Variants in TRIM24 observed in about 807,000 individuals in gnomAD.
TRIM24 encodes transcription intermediary factor 1-alpha.
Under a neutral mutation model 123.9 loss-of-function variants are expected in TRIM24, and 29 were observed. The ratio of observed to expected loss-of-function variants is 0.23; its 90% CI spans 0.17 to 0.32. The LOEUF (loss-of-function observed/expected upper bound fraction) is 0.32, where lower values mean the gene tolerates loss of function less well. Ranked by LOEUF, TRIM24 falls within the 10% of genes least tolerant of loss-of-function variation. The probability of loss-of-function intolerance (pLI) is 1.00; values close to 1 mark genes in which losing one functional copy is unlikely to be tolerated. For missense variants in TRIM24, 932 were observed against 1,295.3 expected, an observed-to-expected ratio of 0.72 and a Z score of 4.31; for synonymous variants, 456 against 461.1, an observed-to-expected ratio of 0.99 and a Z score of 0.14.
chr7:138,536,977 A>C (rs1005013754), intron 6 of TRIM24, among the ~76,000 whole-genome samples: 1 of 152,198 alleles, frequency 6.6e-6, no homozygotes, highest in Non-Finnish European at 1.5e-5. Context: ...CTGTGCTAGC[A>C]ATGAGCGAGG....
At chr7:138,564,852 C>T (rs758067047) in intron 9 of TRIM24, among the ~76,000 whole-genome samples, 1 of 152,208 alleles carries the variant, frequency 6.6e-6, no homozygotes, top group Non-Finnish European at 1.5e-5. Flanking sequence ...CTTTAACATA[C>T]ATTGTAATGG....
rs572238416 is a variant in TRIM24 at position 138,529,101 on chromosome 7, C to T, written c.882-15C>T. 2.7e-5 allele frequency: 39 copies of T among 1,463,630 alleles called. 1 individual carries two copies. Among genetic ancestry groups the T allele is most frequent in the African/African-American group, 1.3e-4 (9 of 68,518 alleles). 90.7% of individuals were successfully genotyped at this position (1,463,630 alleles called of 1,614,324 possible). On this transcript the variant is annotated splice_polypyrimidine_tract_variant and intron_variant, in intron 5 of 18. Transcript: ENST00000343526. ...AAAAAAACTGCCTTATGTTTTTCCC[C>T]GTTTTAATTTTCAGAATTATTGAAG...
At chr7:138,565,211 A>G (rs772261362) in intron 9 of TRIM24, among the ~76,000 whole-genome samples, 1 of 151,726 alleles carries the variant, frequency 6.6e-6, no homozygotes, top group Admixed American at 6.6e-5. Flanking sequence ...CTCTTTCTCA[A>G]CTGACTCTGC....
intron 2 of TRIM24, among the ~76,000 whole-genome samples, chr7:138,508,662 AGTGTGTGTGTGTGTGTGT>A: frequency 8.9e-6 from 1 of 112,826 alleles, no homozygotes; most frequent in African/African-American, 3.0e-5. Context: ...TAATAAGAGG[AGTGTGTGTGTGTGTGTGT>A]GTGTGTGTGT....
chr7:138,491,364 C>T lies in TRIM24; in HGVS notation c.365-12926C>T, dbSNP rs117153682. 1.8e-4 allele frequency: 30 copies of T among 166,422 alleles called. No homozygotes were observed. In the East Asian group the frequency reaches 4.8e-3, roughly 27 times the overall value. The allele number at this position is 166,422 out of a possible 1,614,324, so 10.3% of individuals were successfully genotyped here. A position where few individuals can be genotyped will look rare whatever the true frequency, so the allele number is the denominator to read the frequency against. On this transcript the variant is annotated intron_variant, in intron 1 of 18. Transcript: ENST00000343526. ...GGTGCTTGTTCTTGACAACTGCTAT[C>T]GTGCTGCTCCTCTTTCCTTCTGTCC...
chr7:138,495,295 A>G (rs1795878819), intron 1 of TRIM24, among the ~76,000 whole-genome samples: 2 of 152,336 alleles, frequency 1.3e-5, no homozygotes, highest in South Asian at 4.1e-4. Flanking sequence ...GTAAACTCTA[A>G]AAGTAGTGAA....
intron 9 of TRIM24, among the ~76,000 whole-genome samples, chr7:138,561,782 C>A (rs1216716621): frequency 6.6e-6 from 1 of 152,150 alleles, no homozygotes. Flanking sequence ...ACGGCTGGGG[C>A]CTGAGTTAGG....
rs966270475 is a variant in TRIM24, at chr7:138,510,566, C to T, written c.484-4646C>T. Among the ~76,000 whole-genome samples the T allele has an allele frequency of 3.9e-5, 6 of 152,018 alleles. No individual in the cohort carries two copies. In the East Asian group the frequency reaches 7.7e-4, roughly 20 times the overall value. The stretch of plus-strand genomic sequence containing the variant: ...CCTCCAGAGTAGCTGGGACTACAGG[C>T]GCATACTGCCACATCTGGCTAATTT... On this transcript the variant is annotated intron_variant, in intron 2 of 18. Coordinates refer to ENST00000343526, the MANE Select transcript of TRIM24 (RefSeq NM_015905.3).
intron 2 of TRIM24, among the ~76,000 whole-genome samples, chr7:138,508,815 C>T (rs1796223814): frequency 6.6e-6 from 1 of 151,968 alleles, no homozygotes; most frequent in Non-Finnish European, 1.5e-5. Flanking sequence ...GACCTTGAAG[C>T]AGCCATTTCT....
chr7:138,460,690 G>T lies in TRIM24; in HGVS notation c.142G>T (p.Ala48Ser), dbSNP rs1156425650. Reference sequence around the variant, plus strand: ...GGACTCGGAGCGCGGCGGCGAGGCGGCCCGGCTCAACCTGTTGGACACTTG... The same window carrying T: ...GGACTCGGAGCGCGGCGGCGAGGCGTCCCGGCTCAACCTGTTGGACACTTG... ...GPDSERGGEAARLNLLDTCAV... is the reference protein window; with the variant it reads ...GPDSERGGEASRLNLLDTCAV... The change falls in exon 1 of 19, where the codon GCC (alanine) becomes TCC (serine). Residue 48 changes from alanine (A) to serine (S), a missense_variant. Coordinates refer to ENST00000343526, the MANE Select transcript of TRIM24 (RefSeq NM_015905.3). The T allele has an allele frequency of 1.3e-6, 2 of 1,541,062 alleles. No individual in the cohort carries two copies. The highest frequency in any genetic ancestry group is 1.7e-6 in the Non-Finnish European group (2 of 1,149,862).
chr7:138,569,357 A>G (rs1310365249), intron 10 of TRIM24, among the ~76,000 whole-genome samples: 1 of 152,040 alleles, frequency 6.6e-6, no homozygotes, highest in African/African-American at 2.4e-5. Context: ...GAAAAAATCT[A>G]CTGGGAAATT....
At chr7:138,534,760 G>A (rs1296892919) in intron 6 of TRIM24, among the ~76,000 whole-genome samples, 2 of 152,114 alleles carry the variant, frequency 1.3e-5, no homozygotes, top group Non-Finnish European at 2.9e-5. Flanking sequence ...TTCAATTCCT[G>A]GATATCCTTG....
intron 8 of TRIM24, among the ~76,000 whole-genome samples, chr7:138,552,829 C>A (rs2116633083): frequency 6.6e-6 from 1 of 152,252 alleles, no homozygotes; most frequent in East Asian, 1.9e-4. Context: ...ACTCATTTTA[C>A]CAAAAAGCAT....
chr7:138,498,225 T>C (rs1795957139), intron 1 of TRIM24, among the ~76,000 whole-genome samples: 1 of 151,864 alleles, frequency 6.6e-6, no homozygotes, highest in Admixed American at 6.6e-5. Context: ...GTTTTTATTT[T>C]ATTTTTTATT....
chr7:138,566,784 G>A (rs1235772177), intron 9 of TRIM24, among the ~76,000 whole-genome samples: 1 of 152,048 alleles, frequency 6.6e-6, no homozygotes, highest in East Asian at 1.9e-4. Context: ...GCCTGCCAGG[G>A]CTCAATAAGA....
At chr7:138,536,887 T>C (rs1368588290) in intron 6 of TRIM24, among the ~76,000 whole-genome samples, 1 of 152,208 alleles carries the variant, frequency 6.6e-6, no homozygotes, top group African/African-American at 2.4e-5. Flanking sequence ...CTGGCCGCTT[T>C]GTTTACCTAC....
At chr7:138,561,932 G>T (rs960337781) in intron 9 of TRIM24, among the ~76,000 whole-genome samples, 1 of 152,150 alleles carries the variant, frequency 6.6e-6, no homozygotes, top group African/African-American at 2.4e-5. Flanking sequence ...GAACCCTGCT[G>T]CCCCTAGGAA....
At chr7:138,541,582 T>C (rs752106258) in intron 7 of TRIM24, among the ~76,000 whole-genome samples, 1 of 152,208 alleles carries the variant, frequency 6.6e-6, no homozygotes, top group Non-Finnish European at 1.5e-5. Context: ...AGATTTAGGA[T>C]AATTCTTGAG....
At chr7:138,547,711 T>A (rs7789883) in intron 7 of TRIM24, among the ~76,000 whole-genome samples, 2,633 of 152,310 alleles carry the variant, frequency 0.017, 36 homozygotes, top group Non-Finnish European at 0.025. Context: ...AGCTTCCCTC[T>A]GTCACCCAGG....
Sources: allele counts gnomAD v4.1 joint callset (sites outside exome capture counted in the v4.1 genomes callset), GRCh38; gene constraint gnomAD v4.1.1; transcripts MANE v1.5; gene names NCBI Gene and HGNC (gene_info 2026-07-23, HGNC 2026-07-21).